Variants in NALCN observed in about 807,000 individuals in gnomAD.
The protein encoded by NALCN is sodium leak channel, non-selective.
NALCN carries 111 observed loss-of-function variants against 225.3 expected under a neutral mutation model. That is an observed-to-expected ratio of 0.49 (90% CI 0.42 to 0.58). The LOEUF (loss-of-function observed/expected upper bound fraction) is 0.58. Among genes scored for constraint, NALCN ranks in the 20% least tolerant of loss-of-function variants. The pLI is 0.00. For synonymous variants in NALCN, 764 were observed against 769.0 expected (o/e 0.99, Z 0.11); for missense variants, 1,378 against 2,202.4 (o/e 0.63, Z 7.49).
In NALCN at chr13:101,104,488, C is replaced by T. The variant is rs2034993895; in HGVS notation, c.2757+42G>A. On this transcript the variant is annotated intron_variant, in intron 24 of 43. Transcript: ENST00000251127. The surrounding 1 kb of genome is among the most constrained non-coding windows in gnomAD (Gnocchi z 4.2). ...GGAAAAACAGCAGGTCAGTATTTTA[C>T]CTCCTAGTTGTAAGCTGAGATTTTG... The T allele has an allele frequency of 1.2e-6, 2 of 1,613,260 alleles. No homozygotes were observed. The highest frequency in any genetic ancestry group is 1.3e-5 in the African/African-American group (1 of 74,990).
At chr13:101,182,791 G>A (rs895522032) in intron 14 of NALCN, among the ~76,000 whole-genome samples, 1 of 152,218 alleles carries the variant, frequency 6.6e-6, no homozygotes, top group Non-Finnish European at 1.5e-5. Context: ...TTCAGGAGGT[G>A]CAGGGTGAGT....
chr13:101,236,325 C>G, intron 12 of NALCN, among the ~76,000 whole-genome samples: 1 of 152,214 alleles, frequency 6.6e-6, no homozygotes. Flanking sequence ...GGACTGTAAA[C>G]TAGTTCAACT....
chr13:101,168,524 T>C (rs551430561), intron 15 of NALCN, among the ~76,000 whole-genome samples: 2 of 152,192 alleles, frequency 1.3e-5, no homozygotes, highest in Non-Finnish European at 2.9e-5. Context: ...TCCTGGTTTT[T>C]CTCACTTCCT....
chr13:101,300,129 G>A (rs1025045968), intron 7 of NALCN, among the ~76,000 whole-genome samples: 23 of 152,042 alleles, frequency 1.5e-4, no homozygotes, highest in African/African-American at 5.6e-4. Flanking sequence ...CATGAAATAA[G>A]ATCATGTGGA....
At chr13:101,246,536 T>G (rs1051564360) in intron 11 of NALCN, among the ~76,000 whole-genome samples, 6 of 152,194 alleles carry the variant, frequency 3.9e-5, no homozygotes, top group African/African-American at 1.2e-4. Flanking sequence ...TATATCAGTA[T>G]GTTATAAAGA....
rs10615640 is a variant in NALCN at position 101,294,560 on chromosome 13, C to CT, written c.800-2195dup. On this transcript the variant is annotated intron_variant, in intron 7 of 43. Coordinates refer to ENST00000251127, the MANE Select transcript of NALCN (RefSeq NM_052867.4). ...ATTATAATGGCTAAGTTTATTGTTT[C>CT]TTTTTTTTTTTTTTTTTTTTTTTAG... is the stretch of plus-strand genomic sequence containing the variant. 8.9e-3 allele frequency among the ~76,000 whole-genome samples: 780 copies of CT among 87,840 alleles called. 10 individuals carry two copies. The highest frequency in any genetic ancestry group is 0.059 in the East Asian group (156 of 2,632). 57.6% of individuals were successfully genotyped at this position (87,840 alleles called of 152,430 possible). A position where few individuals can be genotyped will look rare whatever the true frequency, so the allele number is the denominator to read the frequency against.
At chr13:101,160,708 T>C (rs1041158354) in intron 15 of NALCN, among the ~76,000 whole-genome samples, 15 of 152,306 alleles carry the variant, frequency 9.8e-5, no homozygotes, top group Admixed American at 5.2e-4. Context: ...AATTGCCTTA[T>C]GGTACAAAGT....
At chr13:101,299,421 G>GA (rs1566547670) in intron 7 of NALCN, among the ~76,000 whole-genome samples, 3 of 150,710 alleles carry the variant, frequency 2.0e-5, no homozygotes, top group South Asian at 2.1e-4. Flanking sequence ...CACACACAGG[G>GA]TTTTTTTTGT....
intron 2 of NALCN, among the ~76,000 whole-genome samples, chr13:101,395,848 A>G (rs1299551956): frequency 6.6e-6 from 1 of 152,186 alleles, no homozygotes; most frequent in Non-Finnish European, 1.5e-5. Context: ...CTTCCCTAGC[A>G]TCTAGCACAA....
At chr13:101,199,031 A>G (rs1594418207) in intron 13 of NALCN, among the ~76,000 whole-genome samples, 1 of 152,012 alleles carries the variant, frequency 6.6e-6, no homozygotes, top group African/African-American at 2.4e-5. Context: ...TCAGCAAACT[A>G]TCACAAGGAC....
intron 9 of NALCN, among the ~76,000 whole-genome samples, chr13:101,288,021 T>C (rs1450282310): frequency 6.6e-6 from 1 of 152,236 alleles, no homozygotes; most frequent in Non-Finnish European, 1.5e-5. Flanking sequence ...GCATGCTCTT[T>C]GGATTCTTTG....
rs557102814 is a variant in NALCN at position 101,070,945 on chromosome 13, GTTC to G, written c.4198-2121_4198-2119del. On this transcript the variant is annotated intron_variant, in intron 37 of 43. Transcript: ENST00000251127. ...TCACGGCGGAAGGGGAAGCAAATAT[GTTC>G]TTCTTCACATGGTGGCAGCAAGAAG... 6.6e-4 allele frequency among the ~76,000 whole-genome samples: 100 copies of G among 152,228 alleles called. 3 individuals carry two copies. In the South Asian group the frequency reaches 0.02, roughly 31 times the overall value.
At chr13:101,392,777 G>A (rs951886182) in intron 3 of NALCN, among the ~76,000 whole-genome samples, 1 of 152,076 alleles carries the variant, frequency 6.6e-6, no homozygotes, top group African/African-American at 2.4e-5. Context: ...GAATTAGCAG[G>A]AAAACTATTA....
intron 1 of NALCN, among the ~76,000 whole-genome samples, chr13:101,413,141 T>C (rs973497730): frequency 6.6e-6 from 1 of 152,194 alleles, no homozygotes; most frequent in South Asian, 2.1e-4. Context: ...GATTAAGCAA[T>C]TTATTCAAAA....
intron 13 of NALCN, among the ~76,000 whole-genome samples, chr13:101,218,714 T>C (rs1473730770): frequency 6.6e-6 from 1 of 152,036 alleles, no homozygotes; most frequent in Non-Finnish European, 1.5e-5. Flanking sequence ...GCACCTCCTC[T>C]CTCTTTCTTT....
intron 15 of NALCN, among the ~76,000 whole-genome samples, chr13:101,161,764 C>A (rs1294138467): frequency 1.3e-5 from 2 of 152,210 alleles, no homozygotes; most frequent in African/African-American, 2.4e-5. Context: ...CCCAGCTACT[C>A]GGGAGGCTGA....
intron 7 of NALCN, among the ~76,000 whole-genome samples, chr13:101,293,919 T>C (rs17486184): frequency 0.023 from 3,531 of 152,334 alleles, 57 homozygotes; most frequent in South Asian, 0.044. Context: ...CTCCTTGTCA[T>C]ACAGCTGGTA....
intron 6 of NALCN, among the ~76,000 whole-genome samples, chr13:101,354,869 G>A (rs1475582067): frequency 6.6e-6 from 1 of 152,140 alleles, no homozygotes; most frequent in East Asian, 1.9e-4. Context: ...CCCTGATATA[G>A]TTTGGATATT....
intron 12 of NALCN, among the ~76,000 whole-genome samples, chr13:101,230,850 GTA>G (rs2041317285): frequency 6.8e-6 from 1 of 147,734 alleles, no homozygotes; most frequent in Admixed American, 6.7e-5. Context: ...ATGTGTGTGT[GTA>G]TATATTTACA....
Sources: gnomAD v4.1 joint callset for allele counts (sites outside exome capture counted in the v4.1 genomes callset) on GRCh38, gnomAD v4.1.1 for gene constraint, Gnocchi (gnomAD v3.1) non-coding constraint, MANE v1.5 for transcripts, NCBI Gene and HGNC (gene_info 2026-07-23, HGNC 2026-07-21) for gene names.